PTPRS: variants seen among roughly 807,000 people sequenced by gnomAD.
PTPRS encodes the protein protein tyrosine phosphatase receptor type S.
PTPRS carries 63 observed loss-of-function variants against 215.3 expected under a neutral mutation model. The ratio of observed to expected loss-of-function variants is 0.29; its 90% confidence interval spans 0.24 to 0.36. PTPRS has a LOEUF of 0.36. Ranked by LOEUF, PTPRS falls within the 10% of genes least tolerant of loss-of-function variation. The probability of loss-of-function intolerance (pLI) is 1.00; values close to 1 mark genes in which losing one functional copy is unlikely to be tolerated. For missense variants in PTPRS, 2,258 were observed against 2,825.8 expected, an observed-to-expected ratio of 0.80 and a Z score of 4.56; for synonymous variants, 1,404 against 1,191.4, an observed-to-expected ratio of 1.18 and a Z score of -3.68.
intron 13 of PTPRS, among the ~76,000 whole-genome samples, chr19:5,238,184 G>C (rs2043648920): frequency 6.6e-6 from 1 of 152,156 alleles, no homozygotes; most frequent in Non-Finnish European, 1.5e-5. Flanking sequence ...ACGGCAGAAG[G>C]GGCCTGTCCA....
At position 5,219,302 on chromosome 19, in the gene PTPRS, G is replaced by A; in HGVS notation, c.3923+8C>T. The stretch of plus-strand genomic sequence containing the variant: ...GTCAAGTCAAGTCGGGGAGGACATG[G>A]GGCTTACTTCTTGTAGAGCAGGATA... On this transcript the variant is annotated splice_region_variant and intron_variant, in intron 23 of 37. Coordinates refer to ENST00000262963, the MANE Select transcript of PTPRS (RefSeq NM_002850.4). 1.2e-6 allele frequency: 2 copies of A among 1,613,984 alleles called. No homozygotes were observed. The highest frequency in any genetic ancestry group is 2.2e-5 in the East Asian group (1 of 44,876).
At position 5,327,310 on chromosome 19, in the gene PTPRS, T is replaced by C. The variant is rs145941397; in HGVS notation, c.-95+13354A>G. Among the ~76,000 whole-genome samples the C allele has an allele frequency of 4.9e-3, 740 of 152,294 alleles. 2 individuals are homozygous for C. Among genetic ancestry groups the C allele is most frequent in the South Asian group, 0.025 (119 of 4,826 alleles). ...TGTATTTTATGATATCTTAGCCAGT[T>C]TGGGGCTTACTCCAAGCGTGTTTAG... On this transcript the variant is annotated intron_variant, in intron 1 of 37. Transcript: ENST00000262963.
intron 2 of PTPRS, among the ~76,000 whole-genome samples, chr19:5,284,672 G>A (rs182058389): frequency 4.3e-4 from 66 of 152,130 alleles, no homozygotes; most frequent in African/African-American, 1.5e-3. Flanking sequence ...GCTGGATGCC[G>A]TGGCTGGCTC....
chr19:5,319,109 T>C (rs2049956965), intron 1 of PTPRS, among the ~76,000 whole-genome samples: 1 of 152,128 alleles, frequency 6.6e-6, no homozygotes, highest in Non-Finnish European at 1.5e-5. Context: ...AGGGATACTC[T>C]ACCTTCAAAA....
chr19:5,210,565 C>G lies in PTPRS; in HGVS notation c.5391G>C (p.Glu1797Asp). ...REKCHQYWPA[E>D]RSARYQYFVV... is the part of the protein sequence containing the mutation. ...CAAAGTACTGGTAGCGGGCAGAGCGCTCGGCCGGCCAGTACTGGTGACACT... is the reference window on the plus strand; with the variant it reads ...CAAAGTACTGGTAGCGGGCAGAGCGGTCGGCCGGCCAGTACTGGTGACACT... The change falls in exon 35 of 38, where the codon GAG becomes GAC. Residue 1797 changes from glutamate (E) to aspartate (D), a missense_variant. Coordinates refer to ENST00000262963, the MANE Select transcript of PTPRS (RefSeq NM_002850.4). This position sits in a 1 kb window ranked among gnomAD's most constrained non-coding sequence, Gnocchi z 4.5. The G allele has an allele frequency of 6.2e-7, 1 of 1,614,210 alleles. No homozygotes were observed. The highest frequency in any genetic ancestry group is 8.5e-7 in the Non-Finnish European group (1 of 1,180,032).
intron 4 of PTPRS, among the ~76,000 whole-genome samples, chr19:5,268,195 TA>T (rs999042000): frequency 4.2e-5 from 6 of 143,784 alleles, no homozygotes; most frequent in Admixed American, 3.4e-4. Context: ...ATAAATTAAT[TA>T]ATTAATTAAA....
At chr19:5,272,064 T>C (rs1388785758) in intron 4 of PTPRS, among the ~76,000 whole-genome samples, 2 of 151,996 alleles carry the variant, frequency 1.3e-5, no homozygotes, top group Non-Finnish European at 2.9e-5. Flanking sequence ...CTCAGACAAG[T>C]TCATTAACCT....
intron 1 of PTPRS, among the ~76,000 whole-genome samples, chr19:5,329,951 A>T (rs1487244013): frequency 2.0e-5 from 3 of 151,160 alleles, no homozygotes; most frequent in African/African-American, 7.3e-5. Flanking sequence ...ATGGTGGCAC[A>T]TGCCTATAAT....
At chr19:5,282,369 C>A (rs1465019259) in intron 2 of PTPRS, among the ~76,000 whole-genome samples, 1 of 152,184 alleles carries the variant, frequency 6.6e-6, no homozygotes, top group African/African-American at 2.4e-5. Flanking sequence ...AGCTTCCCCA[C>A]CTTTTTCTCA....
Position 5,267,826 on chromosome 19 carries a change from G to A in PTPRS, c.380-2630C>T, listed in dbSNP as rs1029350211. Among the ~76,000 whole-genome samples, 18 of 151,892 alleles carry A rather than the reference G, an allele frequency of 1.2e-4. 3 individuals carry two copies. Among genetic ancestry groups the A allele is most frequent in the Admixed American group, 4.6e-4 (7 of 15,250 alleles). ...CTCTGCATCTGGTAGGAATGCTGGA[G>A]TGGAGGGGGTAAAGGGCCGCAAAAA... On this transcript the variant is annotated intron_variant, in intron 4 of 37. Coordinates refer to ENST00000262963, the MANE Select transcript of PTPRS (RefSeq NM_002850.4).
chr19:5,252,402 C>T (rs1393801999), intron 9 of PTPRS, among the ~76,000 whole-genome samples: 1 of 151,734 alleles, frequency 6.6e-6, no homozygotes, highest in Non-Finnish European at 1.5e-5. Context: ...CATGGTGAAA[C>T]CCTGTCTCTA....
intron 18 of PTPRS, 46 bp downstream of exon 18, chr19:5,222,643 C>A (rs776422957): frequency 6.9e-7 from 1 of 1,458,770 alleles, no homozygotes; most frequent in Non-Finnish European, 9.0e-7. Context: ...TGGGGGTGGG[C>A]GCAAGGCCCG....
At chr19:5,331,803 A>G (rs2050335382) in intron 1 of PTPRS, among the ~76,000 whole-genome samples, 1 of 152,220 alleles carries the variant, frequency 6.6e-6, no homozygotes, top group South Asian at 2.1e-4. Flanking sequence ...CCTTCTACGC[A>G]GTATTTAATT....
At chr19:5,214,946 C>T (rs2041280952) in intron 28 of PTPRS, among the ~76,000 whole-genome samples, 1 of 152,258 alleles carries the variant, frequency 6.6e-6, no homozygotes, top group East Asian at 1.9e-4. Flanking sequence ...CTGGGCACTG[C>T]AGGGTGCTGA....
chr19:5,269,468 T>C (rs1202665965), intron 4 of PTPRS, among the ~76,000 whole-genome samples: 1 of 151,612 alleles, frequency 6.6e-6, no homozygotes, highest in African/African-American at 2.4e-5. Context: ...GTCCAGATGG[T>C]CCCCCACCAA....
chr19:5,209,644 ATTTGCCCTTCTCCAAT>A (rs917806787), intron 35 of PTPRS, among the ~76,000 whole-genome samples: 1 of 151,986 alleles, frequency 6.6e-6, no homozygotes, highest in Non-Finnish European at 1.5e-5. Flanking sequence ...CTGGCCAAAC[ATTTGCCCTTCTCCAAT>A]TCTGTCTTCC....
At chr19:5,253,801 G>C in intron 9 of PTPRS, among the ~76,000 whole-genome samples, 1 of 152,218 alleles carries the variant, frequency 6.6e-6, no homozygotes, top group East Asian at 1.9e-4. Context: ...GAAGGGAAGT[G>C]ACTTGCCCAG....
intron 27 of PTPRS, 33 bp from the exon 28 acceptor site, chr19:5,215,445 G>C: frequency 6.2e-7 from 1 of 1,611,014 alleles, no homozygotes. Context: ...GGGTGTCAGG[G>C]TAGGTGCCTG....
chr19:5,310,455 T>C (rs1358232764), intron 1 of PTPRS, among the ~76,000 whole-genome samples: 3 of 148,870 alleles, frequency 2.0e-5, no homozygotes, highest in East Asian at 2.1e-4. Context: ...GTAGCTGGGA[T>C]TACAGGCGCC....
Sources: allele counts gnomAD v4.1 joint callset (sites outside exome capture counted in the v4.1 genomes callset), GRCh38; gene constraint gnomAD v4.1.1; non-coding constraint Gnocchi (gnomAD v3.1); transcripts MANE v1.5; gene names NCBI Gene and HGNC (gene_info 2026-07-23, HGNC 2026-07-21).